Variants in EFHB observed in about 807,000 individuals in gnomAD.
EFHB encodes the protein EF-hand domain-containing family member B.
Under a neutral mutation model 87.2 loss-of-function variants are expected in EFHB, and 91 were observed. The ratio of observed to expected loss-of-function variants is 1.04; its 90% CI spans 0.88 to 1.24. EFHB has a LOEUF of 1.24. EFHB is among the 50% of genes most tolerant of loss of function. The pLI is 0.00. For synonymous variants in EFHB, 325 were observed against 333.6 expected, an observed-to-expected ratio of 0.97 and a Z score of 0.28; for missense variants, 1,084 against 998.8, an observed-to-expected ratio of 1.09 and a Z score of -1.15.
chr3:19,921,788 G>C (rs1026162734), intron 1 of EFHB, among the ~76,000 whole-genome samples: 3 of 143,480 alleles, frequency 2.1e-5, no homozygotes, highest in Non-Finnish European at 4.4e-5. Flanking sequence ...TTTTAATTCA[G>C]TTGTAAGTTA....
intron 1 of EFHB, among the ~76,000 whole-genome samples, chr3:19,931,348 G>A (rs1317970256): frequency 1.3e-5 from 2 of 152,200 alleles, no homozygotes; most frequent in African/African-American, 4.8e-5. Context: ...AGGAAGCAGA[G>A]GTTTTAGAAT....
chr3:19,920,284 T>C (rs916246787), intron 2 of EFHB, among the ~76,000 whole-genome samples: 2 of 152,168 alleles, frequency 1.3e-5, no homozygotes, highest in African/African-American at 4.8e-5. Flanking sequence ...CTGAAATAAA[T>C]TGAATCCCCT....
intron 5 of EFHB, among the ~76,000 whole-genome samples, chr3:19,909,895 T>C (rs1694997226): frequency 6.6e-6 from 1 of 152,012 alleles, no homozygotes; most frequent in Non-Finnish European, 1.5e-5. Context: ...CTGGCAGCAT[T>C]CATCACCTGC....
chr3:19,885,157 G>T (rs1694053130), intron 10 of EFHB, among the ~76,000 whole-genome samples: 1 of 151,978 alleles, frequency 6.6e-6, no homozygotes, highest in Admixed American at 6.5e-5. Context: ...GGGAGGCAAT[G>T]GTTGCAGTGA....
intron 1 of EFHB, among the ~76,000 whole-genome samples, chr3:19,931,123 C>G (rs1388295314): frequency 6.6e-6 from 1 of 152,024 alleles, no homozygotes; most frequent in African/African-American, 2.4e-5. Flanking sequence ...AGATTGCACC[C>G]CTGCACTCCA....
intron 1 of EFHB, among the ~76,000 whole-genome samples, chr3:19,928,136 C>A (rs1464497605): frequency 1.3e-5 from 2 of 151,694 alleles, no homozygotes; most frequent in Non-Finnish European, 2.9e-5. Context: ...TACAAAAATC[C>A]TAGTGAAACA....
chr3:19,927,608 G>T (rs1471648517), intron 1 of EFHB, among the ~76,000 whole-genome samples: 1 of 152,178 alleles, frequency 6.6e-6, no homozygotes, highest in African/African-American at 2.4e-5. Context: ...AAACTGGAAA[G>T]ATCTCTCATT....
chr3:19,896,687 C>T lies in EFHB; in HGVS notation c.1725G>A (p.Lys575=), dbSNP rs768452585. 6.2e-7 allele frequency: 1 copy of T among 1,614,014 alleles called. No individual in the cohort carries two copies. The highest frequency in any genetic ancestry group is 8.5e-7 in the Non-Finnish European group (1 of 1,179,886). ...TLLAAFRHYD[K]KGDGMIDKDE... is the part of the protein sequence containing the mutation. The stretch of plus-strand genomic sequence containing the variant: ...CAAAAAGCTCTCCCCCATTACTGGC[C>T]TTGTCATAGTGCCTGAAGGCTGCCA... The change falls in exon 9 of 13, where the codon AAG becomes AAA. Residue 575 remains lysine (K), a splice_region_variant and synonymous_variant. Transcript: ENST00000295824.
At chr3:19,896,016 T>C (rs1410319577) in intron 9 of EFHB, among the ~76,000 whole-genome samples, 2 of 152,182 alleles carry the variant, frequency 1.3e-5, no homozygotes, top group Non-Finnish European at 1.5e-5. Context: ...CATTGAATGA[T>C]CTTACACTCT....
Position 19,907,466 on chromosome 3 carries a change from G to A in EFHB, c.1289-1717C>T, listed in dbSNP as rs80260195. On this transcript the variant is annotated intron_variant, in intron 5 of 12. Transcript: ENST00000295824. ...ATGGAAATCCTGAAGATCAAGGGAG[G>A]TATGGCAATGATTTAGGTCTCTGGC... Among the ~76,000 whole-genome samples, 1,423 of 152,274 alleles carry A rather than the reference G, an allele frequency of 9.3e-3. 61 individuals are homozygous for A. The highest frequency in any genetic ancestry group is 0.073 in the Admixed American group (1,123 of 15,284).
At chr3:19,919,700 A>T (rs1695369768) in intron 3 of EFHB, 133 bp downstream of exon 3, 2 of 895,814 alleles carry the variant, frequency 2.2e-6, no homozygotes, top group East Asian at 2.5e-5. Flanking sequence ...CTTTTGGAAG[A>T]CAGATTGAGA....
chr3:19,936,903 AT>A (rs1431812599), upstream of EFHB, among the ~76,000 whole-genome samples: 3 of 148,218 alleles, frequency 2.0e-5, no homozygotes, highest in Non-Finnish European at 3.0e-5. Flanking sequence ...AAATAAATAA[AT>A]AAATAAATAA....
At chr3:19,896,170 C>T (rs1254083540) in intron 9 of EFHB, among the ~76,000 whole-genome samples, 1 of 152,122 alleles carries the variant, frequency 6.6e-6, no homozygotes, top group Non-Finnish European at 1.5e-5. Flanking sequence ...CTACCCATTG[C>T]CCCTTGCTCC....
chr3:19,908,093 T>C (rs1224680100), intron 5 of EFHB, among the ~76,000 whole-genome samples: 3 of 152,176 alleles, frequency 2.0e-5, no homozygotes, highest in Non-Finnish European at 2.9e-5. Context: ...TTTGTAATAG[T>C]GAAAATATAA....
Position 19,879,807 on chromosome 3 carries a change from A to G in EFHB, c.2329-3T>C, listed in dbSNP as rs2071627937. 1 of 1,573,098 alleles carries G rather than the reference A, an allele frequency of 6.4e-7. No individual in the cohort carries two copies. Among genetic ancestry groups the G allele is most frequent in the Non-Finnish European group, 8.6e-7 (1 of 1,163,638 alleles). On this transcript the variant is annotated splice_polypyrimidine_tract_variant and splice_region_variant and intron_variant, in intron 12 of 12. Coordinates refer to ENST00000295824, the MANE Select transcript of EFHB (RefSeq NM_144715.4). The stretch of plus-strand genomic sequence containing the variant: ...ATGTTACACAATATCTCTGCAATCT[A>G]GAAAAAGGCATTTAAAATAGACCAT...
chr3:19,881,123 G>C (rs1328462735), intron 12 of EFHB, among the ~76,000 whole-genome samples: 1 of 152,178 alleles, frequency 6.6e-6, no homozygotes, highest in Non-Finnish European at 1.5e-5. Context: ...AGAGCTGCTA[G>C]CAACTGCAGC....
intron 9 of EFHB, among the ~76,000 whole-genome samples, chr3:19,893,376 G>A (rs1311960591): frequency 6.6e-6 from 1 of 152,158 alleles, no homozygotes; most frequent in Admixed American, 6.6e-5. Context: ...AGTTCTAGGT[G>A]AAAATAGGAG....
At chr3:19,924,653 A>T (rs1453959376) in intron 1 of EFHB, among the ~76,000 whole-genome samples, 1 of 152,130 alleles carries the variant, frequency 6.6e-6, no homozygotes, top group Non-Finnish European at 1.5e-5. Context: ...TTGTTTCTTC[A>T]AGTTTGTTTT....
chr3:19,943,966 AT>A (rs1307403514), intron 1 of EFHB, among the ~76,000 whole-genome samples: 1 of 152,260 alleles, frequency 6.6e-6, no homozygotes, highest in African/African-American at 2.4e-5. Context: ...GTAACAAAGC[AT>A]TTAGAATTAG....
Sources: gnomAD v4.1 joint callset for allele counts (sites outside exome capture counted in the v4.1 genomes callset) on GRCh38, gnomAD v4.1.1 for gene constraint, MANE v1.5 for transcripts, NCBI Gene and HGNC (gene_info 2026-07-23, HGNC 2026-07-21) for gene names.